EYS: variants seen among roughly 807,000 people sequenced by gnomAD.
EYS encodes EGF-like photoreceptor maintenance factor, also known as protein eyes shut homolog.
Under a neutral mutation model 282.1 loss-of-function variants are expected in EYS, and 250 were observed. The ratio of observed to expected loss-of-function variants is 0.89; its 90% CI spans 0.80 to 0.98. The LOEUF (loss-of-function observed/expected upper bound fraction) is 0.98. EYS is among the 50% of genes least tolerant of loss of function. The probability of loss-of-function intolerance (pLI) is 0.00; values close to 1 mark genes in which losing one functional copy is unlikely to be tolerated. For synonymous variants in EYS, 1,355 were observed against 1,282.9 expected, an observed-to-expected ratio of 1.06 and a Z score of -1.20; for missense variants, 4,016 against 3,709.0, an observed-to-expected ratio of 1.08 and a Z score of -2.15.
At chr6:65,073,071 A>T (rs1032694482) in intron 12 of EYS, among the ~76,000 whole-genome samples, 5 of 151,636 alleles carry the variant, frequency 3.3e-5, no homozygotes, top group African/African-American at 1.2e-4. Context: ...ACTACATGGA[A>T]AGATTAAAGA....
chr6:64,379,117 A>C (rs898606369), intron 29 of EYS, among the ~76,000 whole-genome samples: 12 of 151,844 alleles, frequency 7.9e-5, no homozygotes, highest in African/African-American at 2.9e-4. Context: ...TTCAGTTCTC[A>C]CCCTCCTTAA....
At chr6:64,545,317 A>G (rs562443626) in intron 26 of EYS, among the ~76,000 whole-genome samples, 17 of 152,302 alleles carry the variant, frequency 1.1e-4, no homozygotes, top group African/African-American at 4.1e-4. Context: ...ACAAAATTCA[A>G]CGACCCTTCA....
In EYS at chr6:65,368,088, G is replaced by T. The variant is rs192045290; in HGVS notation, c.1300-14471C>A. ...TTTCACATGGCAGCAGGAAGGAGAA[G>T]TGCTGAGCAAAAGGGCAAAAAAGCT... On this transcript the variant is annotated intron_variant, in intron 8 of 42. Coordinates refer to ENST00000503581, the MANE Select transcript of EYS (RefSeq NM_001142800.2). 3.3e-5 allele frequency among the ~76,000 whole-genome samples: 5 copies of T among 151,648 alleles called. No homozygotes were observed. In the East Asian group the frequency reaches 9.7e-4, roughly 29 times the overall value.
chr6:65,083,490 C>T (rs948198696), intron 12 of EYS, among the ~76,000 whole-genome samples: 14 of 151,772 alleles, frequency 9.2e-5, no homozygotes, highest in Non-Finnish European at 1.8e-4. Flanking sequence ...TGTAATACAG[C>T]ATATTTGTTT....
chr6:65,567,038 CATGAGGGCTCTGCCCTCATGA>C lies in EYS; in HGVS notation c.-332-71066_-332-71046del, dbSNP rs1764290144. ...TGGGGCCAAATAAAGGTGCTTAGAT[CATGAGGGCTCTGCCCTCATGA>C]ATGGATTAATGCTGTTATTGTGGGA... On this transcript the variant is annotated intron_variant, in intron 2 of 42. Coordinates refer to ENST00000503581, the MANE Select transcript of EYS (RefSeq NM_001142800.2). Among the ~76,000 whole-genome samples, 4 of 152,058 alleles carry C rather than the reference CATGAGGGCTCTGCCCTCATGA, an allele frequency of 2.6e-5. No homozygotes were observed. The South Asian group carries it at 8.3e-4, about 32-fold the overall frequency.
Position 63,894,725 on chromosome 6 carries a change from G to C in EYS, c.7056-30367C>G, listed in dbSNP as rs1773492103. Among the ~76,000 whole-genome samples the C allele has an allele frequency of 1.3e-5, 2 of 152,016 alleles. 1 individual carries two copies. The highest frequency in any genetic ancestry group is 3.9e-4 in the East Asian group (2 of 5,156). On this transcript the variant is annotated intron_variant, in intron 35 of 42. Transcript: ENST00000503581. ...GCCTCCCATGTAGCTGGCACTACAA[G>C]GGCCCGCCACCATGCCCAGCTGATT... is the stretch of plus-strand genomic sequence containing the variant.
chr6:64,924,450 G>A (rs1768448792), intron 15 of EYS, among the ~76,000 whole-genome samples: 1 of 152,170 alleles, frequency 6.6e-6, no homozygotes, highest in African/African-American at 2.4e-5. Flanking sequence ...TTTCCCCATG[G>A]TCTTCGGCAT....
chr6:64,658,328 G>C (rs539083509), intron 22 of EYS, among the ~76,000 whole-genome samples: 14 of 151,596 alleles, frequency 9.2e-5, no homozygotes, highest in Admixed American at 2.0e-4. Context: ...AAGTTTGATC[G>C]TCTGAAGCCT....
intron 22 of EYS, among the ~76,000 whole-genome samples, chr6:64,805,424 G>A (rs1159700026): frequency 2.6e-5 from 4 of 151,854 alleles, no homozygotes; most frequent in Non-Finnish European, 4.4e-5. Context: ...ATTTAGTATA[G>A]CTGACATTGA....
chr6:63,864,492 T>C, intron 35 of EYS, 134 bp from the exon 36 acceptor site: 2 of 456,088 alleles, frequency 4.4e-6, no homozygotes, highest in Non-Finnish European at 6.4e-6. Context: ...GTGACTTTTT[T>C]CTCCCTCTTT....
chr6:63,815,384 C>T (rs746101438), intron 36 of EYS, among the ~76,000 whole-genome samples: 2 of 152,164 alleles, frequency 1.3e-5, no homozygotes, highest in Non-Finnish European at 2.9e-5. Flanking sequence ...CTCTATGTTA[C>T]CTACCTCACT....
intron 5 of EYS, among the ~76,000 whole-genome samples, chr6:65,431,937 C>T (rs1767903780): frequency 6.6e-6 from 1 of 152,072 alleles, no homozygotes; most frequent in Non-Finnish European, 1.5e-5. Flanking sequence ...TGTTGAGCAA[C>T]TATCTCTGGT....
intron 39 of EYS, among the ~76,000 whole-genome samples, chr6:63,784,940 C>T (rs914565956): frequency 1.6e-4 from 25 of 152,104 alleles, no homozygotes; most frequent in African/African-American, 6.0e-4. Flanking sequence ...GTAAGCCTGT[C>T]ATTCTAACTT....
chr6:64,676,408 G>A (rs1439131373), intron 22 of EYS, among the ~76,000 whole-genome samples: 10 of 149,606 alleles, frequency 6.7e-5, no homozygotes, highest in African/African-American at 1.2e-4. Flanking sequence ...AGCATTATAG[G>A]TACTCAAAAA....
At chr6:65,432,747 G>C (rs1453207962) in intron 5 of EYS, among the ~76,000 whole-genome samples, 1 of 152,154 alleles carries the variant, frequency 6.6e-6, no homozygotes, top group Non-Finnish European at 1.5e-5. Flanking sequence ...CATTTGAGCA[G>C]AATTGTTCTC....
chr6:64,723,588 T>C (rs1292099002), intron 22 of EYS, among the ~76,000 whole-genome samples: 1 of 152,204 alleles, frequency 6.6e-6, no homozygotes, highest in African/African-American at 2.4e-5. Flanking sequence ...AACTCTTCCA[T>C]ATGTTGATGC....
At chr6:65,636,090 C>A (rs9354271) in intron 2 of EYS, among the ~76,000 whole-genome samples, 1 of 152,156 alleles carries the variant, frequency 6.6e-6, no homozygotes, top group Non-Finnish European at 1.5e-5. Flanking sequence ...GCAGGAAGAA[C>A]TGATCAAGCA....
chr6:65,510,276 T>G (rs938090852), intron 2 of EYS, among the ~76,000 whole-genome samples: 1 of 150,572 alleles, frequency 6.6e-6, no homozygotes, highest in South Asian at 2.1e-4. Context: ...GTTTGGTTTT[T>G]TGTTCTTGCG....
chr6:64,338,591 CA>C (rs1251050179), intron 29 of EYS, among the ~76,000 whole-genome samples: 1 of 151,702 alleles, frequency 6.6e-6, no homozygotes, highest in African/African-American at 2.4e-5. Context: ...ATGCAATCCC[CA>C]TCAAAATACC....
Sources: allele counts gnomAD v4.1 joint callset (sites outside exome capture counted in the v4.1 genomes callset), GRCh38; gene constraint gnomAD v4.1.1; transcripts MANE v1.5; gene names NCBI Gene and HGNC (gene_info 2026-07-23, HGNC 2026-07-21).